MELTF: variants seen among roughly 807,000 people sequenced by gnomAD.
The protein encoded by MELTF is antigen p97 (melanoma associated) identified by monoclonal antibodies 133.2 and 96.5.
In MELTF, 67 loss-of-function variants were observed where a neutral mutation model predicts 83.7. That is an observed-to-expected ratio of 0.80 (90% CI 0.66 to 0.98). MELTF has a LOEUF of 0.98. Among genes scored for constraint, MELTF ranks in the 50% least tolerant of loss-of-function variants. MELTF has a pLI of 0.00. For missense variants in MELTF, 1,002 were observed against 1,035.6 expected (o/e 0.97, Z 0.44); for synonymous variants, 462 against 447.6 (o/e 1.03, Z -0.41).
In MELTF at chr3:197,029,679, C is replaced by A; in HGVS notation, c.24G>T (p.Leu8=). 1 of 1,246,892 alleles carries A rather than the reference C, an allele frequency of 8.0e-7. No homozygotes were observed. Among genetic ancestry groups the A allele is most frequent in the Non-Finnish European group, 1.0e-6 (1 of 996,824 alleles). The allele number at this position is 1,246,892 out of a possible 1,614,324, so 77.2% of individuals were successfully genotyped here. The change falls in exon 1 of 16, where the codon CTG becomes CTT. Residue 8 remains leucine (L), a synonymous_variant. Coordinates refer to ENST00000296350, the MANE Select transcript of MELTF (RefSeq NM_005929.6). The surrounding 1 kb of genome is among the most constrained non-coding windows in gnomAD (Gnocchi z 6.5). ...CGGTGCGCAGAGCCAGGAGCAGCCACAGAGCCCCGCTCGGACCCCGCATGG... is the reference window on the plus strand; with the variant it reads ...CGGTGCGCAGAGCCAGGAGCAGCCAAAGAGCCCCGCTCGGACCCCGCATGG... MRGPSGA[L]WLLLALRTVL...
In MELTF at chr3:197,015,509, G is replaced by T. The variant is rs1472621443; in HGVS notation, c.1089C>A (p.Pro363=). 1.2e-6 allele frequency: 2 copies of T among 1,610,224 alleles called. No homozygotes were observed. Among genetic ancestry groups the T allele is most frequent in the African/African-American group, 1.3e-5 (1 of 74,930 alleles). ...AGAGCACACACCAGCGCAGGTAGGG[G>T]GGCAGCCCTGGGGTGGGGCAAGCAA... ...KGLLCDPNRL[P]PYLRWCVLST... Residue 363 remains proline (P), a synonymous_variant, in exon 9 of 16, where the codon CCC becomes CCA. Coordinates refer to ENST00000296350, the MANE Select transcript of MELTF (RefSeq NM_005929.6).
rs1719788810 is a variant in MELTF at position 197,024,867 on chromosome 3, A to G, written c.305-382T>C. 6.6e-6 allele frequency among the ~76,000 whole-genome samples: 1 copy of G among 152,022 alleles called. No homozygotes were observed. Among genetic ancestry groups the G allele is most frequent in the South Asian group, 2.1e-4 (1 of 4,814 alleles). On this transcript the variant is annotated intron_variant, in intron 3 of 15. Transcript: ENST00000296350. This position sits in a 1 kb window ranked among gnomAD's most constrained non-coding sequence, Gnocchi z 5.3. ...AGCCTAGGCCCCTAGGAGAACTTGG[A>G]GGGTTTGGGGGAATGGTGTCAGGGT...
At chr3:197,014,781 T>C (rs1420257444) in intron 9 of MELTF, among the ~76,000 whole-genome samples, 2 of 152,224 alleles carry the variant, frequency 1.3e-5, no homozygotes, top group South Asian at 4.1e-4. Flanking sequence ...GGTAGGACGA[T>C]ATTGCATGTT....
rs1719070398 is a variant in MELTF, at chr3:197,008,814, G to A, written c.1677C>T (p.Ala559=). 6.2e-7 allele frequency: 1 copy of A among 1,613,998 alleles called. No individual in the cohort carries two copies. The change falls in exon 12 of 16, where the codon GCC becomes GCT. Residue 559 remains alanine (A), a synonymous_variant. Transcript: ENST00000296350. The surrounding 1 kb of genome is among the most constrained non-coding windows in gnomAD (Gnocchi z 5.4). The stretch of plus-strand genomic sequence containing the variant: ...CTGCCAGGCCACCCGGGTACCTGAA[G>A]GCGCCGCGGTAGCCGTAATACCGCT... ...SQERYYGYRG[A]FRCLVENAGD...
At chr3:197,016,861 G>C (rs968836737) in intron 7 of MELTF, among the ~76,000 whole-genome samples, 1 of 152,222 alleles carries the variant, frequency 6.6e-6, no homozygotes, top group Non-Finnish European at 1.5e-5. Context: ...ACAAGTCTCA[G>C]GAGCTTCTTC....
chr3:197,027,593 C>T (rs995468944), intron 2 of MELTF, among the ~76,000 whole-genome samples, 163 bp downstream of exon 2: 26 of 152,358 alleles, frequency 1.7e-4, no homozygotes, highest in African/African-American at 5.3e-4. Flanking sequence ...GGCCTGGGCC[C>T]GGCGGGAGGC....
Position 197,003,549 on chromosome 3 carries a change from C to T in MELTF, c.2138-98G>A. 1 of 842,996 alleles carries T rather than the reference C, an allele frequency of 1.2e-6. No individual in the cohort carries two copies. Among genetic ancestry groups the T allele is most frequent in the Non-Finnish European group, 1.5e-6 (1 of 646,706 alleles). The allele number at this position is 842,996 out of a possible 1,614,324, so 52.2% of individuals were successfully genotyped here. On this transcript the variant is annotated intron_variant, in intron 15 of 15. Coordinates refer to ENST00000296350, the MANE Select transcript of MELTF (RefSeq NM_005929.6). This position sits in a 1 kb window ranked among gnomAD's most constrained non-coding sequence, Gnocchi z 6.2. ...TGGGGGTGGGGGCATCTTTCGGGAC[C>T]GAACTCGCCGCAGCCTCCCTCTTTG...
At chr3:197,021,975 T>G (rs1395522273) in intron 5 of MELTF, among the ~76,000 whole-genome samples, 1 of 152,162 alleles carries the variant, frequency 6.6e-6, no homozygotes, top group Non-Finnish European at 1.5e-5. Context: ...TGCCTCTGCC[T>G]CCAAAGTAGC....
intron 6 of MELTF, among the ~76,000 whole-genome samples, chr3:197,017,757 A>C (rs552023524): frequency 6.6e-6 from 1 of 152,088 alleles, no homozygotes. Context: ...GGCGCCTGTA[A>C]TCCCAGCTAC....
At chr3:197,023,548 C>A (rs1029330460) in intron 4 of MELTF, among the ~76,000 whole-genome samples, 1 of 152,168 alleles carries the variant, frequency 6.6e-6, no homozygotes, top group Non-Finnish European at 1.5e-5. Flanking sequence ...GCCAGCCTCA[C>A]GGGGGACGAG....
chr3:197,024,442 GCTC>G lies in MELTF; in HGVS notation c.345_347del (p.Arg115del). On this transcript the variant is annotated inframe_deletion, in exon 4 of 16. Transcript: ENST00000296350. This position sits in a 1 kb window ranked among gnomAD's most constrained non-coding sequence, Gnocchi z 5.3. ...TCAGGGTGTCAATGGTCACATGGGA[GCTC>G]CTCCTGACCACAGCCACGGCGTAAT... 1.2e-6 allele frequency: 2 copies of G among 1,607,484 alleles called. No individual in the cohort carries two copies. Among genetic ancestry groups the G allele is most frequent in the Non-Finnish European group, 1.7e-6 (2 of 1,175,692 alleles).
At chr3:197,004,193 T>A (rs936158658) in intron 14 of MELTF, 94 bp from the exon 15 acceptor site, 7 of 1,183,980 alleles carry the variant, frequency 5.9e-6, no homozygotes, top group South Asian at 5.0e-5. Context: ...TTACATACAG[T>A]GACCCAAAGA....
chr3:197,013,662 G>C (rs1719260833), intron 9 of MELTF, among the ~76,000 whole-genome samples: 1 of 152,138 alleles, frequency 6.6e-6, no homozygotes, highest in South Asian at 2.1e-4. Flanking sequence ...ACATGCAACG[G>C]AAACATCTCA....
At chr3:197,004,170 G>C (rs1718893306) in intron 14 of MELTF, 71 bp from the exon 15 acceptor site, 5 of 1,415,444 alleles carry the variant, frequency 3.5e-6, no homozygotes, top group Non-Finnish European at 5.0e-6. Flanking sequence ...AGTGCCGCTA[G>C]CTGCAAATTG....
Position 197,022,785 on chromosome 3 carries a change from A to G in MELTF, c.644+172T>C, listed in dbSNP as rs1719674310. 6.6e-6 allele frequency among the ~76,000 whole-genome samples: 1 copy of G among 152,198 alleles called. No homozygotes were observed. Among genetic ancestry groups the G allele is most frequent in the South Asian group, 2.1e-4 (1 of 4,828 alleles). On this transcript the variant is annotated intron_variant, in intron 5 of 15. Coordinates refer to ENST00000296350, the MANE Select transcript of MELTF (RefSeq NM_005929.6). This position sits in a 1 kb window ranked among gnomAD's most constrained non-coding sequence, Gnocchi z 5.1. ...ATCCGGTTTGGCATATTCCAGCTGG[A>G]TGTTTTTAAACTAACCAGGGCACAG...
intron 11 of MELTF, 37 bp from the exon 12 acceptor site, chr3:197,009,002 A>G (rs1394181449): frequency 6.2e-7 from 1 of 1,611,200 alleles, no homozygotes; most frequent in Non-Finnish European, 8.5e-7. Flanking sequence ...AGGGGCCAGC[A>G]GTGGAAAGTG....
At chr3:197,023,839 G>T (rs1488661474) in intron 4 of MELTF, 1 of 457,200 alleles carries the variant, frequency 2.2e-6, no homozygotes, top group Admixed American at 2.3e-5. Flanking sequence ...GCTCTCGCGG[G>T]TTTACACGGC....
chr3:197,013,352 A>G lies in MELTF; in HGVS notation c.1233+2013T>C, dbSNP rs974721054. On this transcript the variant is annotated intron_variant, in intron 9 of 15. Coordinates refer to ENST00000296350, the MANE Select transcript of MELTF (RefSeq NM_005929.6). Reference sequence around the variant, plus strand: ...TGAACGGGGCCCTAAACTACCCCTCACCCAGCACAGGGACCAACTCAAAAT... The same window carrying G: ...TGAACGGGGCCCTAAACTACCCCTCGCCCAGCACAGGGACCAACTCAAAAT... 2.6e-5 allele frequency among the ~76,000 whole-genome samples: 4 copies of G among 152,298 alleles called. No homozygotes were observed. The East Asian group carries it at 5.8e-4, about 22-fold the overall frequency.
chr3:197,024,470 T>C lies in MELTF; in HGVS notation c.320A>G (p.Tyr107Cys), dbSNP rs201925535. 259 of 1,589,756 alleles carry C rather than the reference T, an allele frequency of 1.6e-4. 4 individuals carry two copies. Among genetic ancestry groups the C allele is most frequent in the Non-Finnish European group, 3.2e-5 (37 of 1,163,194 alleles). Reference sequence around the variant, plus strand: ...CCTCCTGACCACAGCCACGGCGTAATAGGAGGTACCGACCTCTAGGAGGGG... The same window carrying C: ...CCTCCTGACCACAGCCACGGCGTAACAGGAGGTACCGACCTCTAGGAGGGG... ...EVYDQEVGTSYYAVAVVRRSS... is the reference protein window; with the variant it reads ...EVYDQEVGTSCYAVAVVRRSS... Residue 107 changes from tyrosine to cysteine, a missense_variant, in exon 4 of 16, where the codon TAT (tyrosine) becomes TGT (cysteine). By Grantham distance (194) the Tyr-to-Cys change is radical. Coordinates refer to ENST00000296350, the MANE Select transcript of MELTF (RefSeq NM_005929.6). This position sits in a 1 kb window ranked among gnomAD's most constrained non-coding sequence, Gnocchi z 5.3.
Sources: gnomAD v4.1 joint callset for allele counts (sites outside exome capture counted in the v4.1 genomes callset) on GRCh38, gnomAD v4.1.1 for gene constraint, Gnocchi (gnomAD v3.1) non-coding constraint, MANE v1.5 for transcripts, NCBI Gene and HGNC (gene_info 2026-07-23, HGNC 2026-07-21) for gene names.